The following KAT14 variants were observed in gnomAD, a reference collection of about 807,000 sequenced individuals.
KAT14 encodes the protein lysine acetyltransferase 14.
Under a neutral mutation model 78.4 loss-of-function variants are expected in KAT14, and 66 were observed. That is an observed-to-expected ratio of 0.84 (90% CI 0.69 to 1.03). The LOEUF is 1.03. KAT14 is among the 50% of genes least tolerant of loss of function. The probability of loss-of-function intolerance (pLI) is 0.00; values close to 1 mark genes in which losing one functional copy is unlikely to be tolerated. For synonymous variants in KAT14, 344 were observed against 359.4 expected, an observed-to-expected ratio of 0.96 and a Z score of 0.48; for missense variants, 870 against 972.5, an observed-to-expected ratio of 0.89 and a Z score of 1.40.
chr20:18,165,021 A>G (rs1450576148), intron 7 of KAT14, among the ~76,000 whole-genome samples: 3 of 152,210 alleles, frequency 2.0e-5, no homozygotes, highest in African/African-American at 7.2e-5. Flanking sequence ...GATAGAAGGC[A>G]GCATAGAAAT....
chr20:18,169,579 T>C (rs2038776942), intron 7 of KAT14, among the ~76,000 whole-genome samples: 1 of 152,260 alleles, frequency 6.6e-6, no homozygotes, highest in South Asian at 2.1e-4. Flanking sequence ...ACTGTTGCAC[T>C]AACCAGCTGT....
rs772989570 is a variant in KAT14, at chr20:18,137,950, G to A, written c.-555G>A. The A allele has an allele frequency of 4.0e-5, 60 of 1,485,198 alleles. No individual in the cohort carries two copies. The highest frequency in any genetic ancestry group is 2.0e-4 in the Middle Eastern group (1 of 5,024). 92.0% of individuals were successfully genotyped at this position (1,485,198 alleles called of 1,614,324 possible). A position where few individuals can be genotyped will look rare whatever the true frequency, so the allele number is the denominator to read the frequency against. On this transcript the variant is annotated 5_prime_UTR_variant, in exon 1 of 11. It adds an upstream start codon to the 5' untranslated region. Coordinates refer to ENST00000688188, the MANE Select transcript of KAT14 (RefSeq NM_001392073.1). ...GGAGAGAGAGGCCGCGGCCGCCAGC[G>A]TGGGGATGTCTAGGAGCTCGAAGGT... is the stretch of plus-strand genomic sequence containing the variant.
chr20:18,155,407 T>A (rs1446347660), intron 4 of KAT14, among the ~76,000 whole-genome samples: 1 of 152,156 alleles, frequency 6.6e-6, no homozygotes, highest in Non-Finnish European at 1.5e-5. Flanking sequence ...GCTGTGTGTG[T>A]GTTCCTGGAG....
chr20:18,142,588 G>GC lies in KAT14; in HGVS notation c.-69dup. ...GTCTGTCTGGGTGATCCTGGTAGAA[G>GC]CCCCATTAGGGTCACTGTCCAGTGC... On this transcript the variant is annotated 5_prime_UTR_variant, in exon 2 of 11. Transcript: ENST00000688188. 1 of 1,584,388 alleles carries GC rather than the reference G, an allele frequency of 6.3e-7. No homozygotes were observed. The highest frequency in any genetic ancestry group is 8.6e-7 in the Non-Finnish European group (1 of 1,163,226).
intron 1 of KAT14, chr20:18,138,304 G>T: frequency 8.4e-7 from 1 of 1,185,252 alleles, no homozygotes; most frequent in Non-Finnish European, 1.0e-6. Context: ...CGCCTTTGGA[G>T]CTCCGCGCTG....
rs41276414 is a variant in KAT14 at position 18,142,933 on chromosome 20, C to G, written c.259+14C>G. 2,979 of 1,610,046 alleles carry G rather than the reference C, an allele frequency of 1.9e-3. 10 individuals are homozygous for G. Among genetic ancestry groups the G allele is most frequent in the Middle Eastern group, 8.4e-3 (51 of 6,054 alleles). ...GGATACCAGCCAGTAAGGAGCTTCT[C>G]AATTCCTTTGATTTGTCAATTCCTG... On this transcript the variant is annotated intron_variant, in intron 2 of 10. Transcript: ENST00000688188.
chr20:18,167,051 A>G (rs1051505656), intron 7 of KAT14, among the ~76,000 whole-genome samples: 1 of 152,154 alleles, frequency 6.6e-6, no homozygotes, highest in East Asian at 1.9e-4. Context: ...CTCCAGCTGG[A>G]TCCCCTGTTA....
At chr20:18,181,517 C>T (rs1173780303) in intron 7 of KAT14, among the ~76,000 whole-genome samples, 193 bp from the exon 8 acceptor site, 51 of 151,976 alleles carry the variant, frequency 3.4e-4, no homozygotes, top group Non-Finnish European at 1.2e-4. Flanking sequence ...TACAGGCGCA[C>T]CTGCCACCAC....
At chr20:18,177,054 A>C (rs1198591944) in intron 7 of KAT14, among the ~76,000 whole-genome samples, 1 of 152,242 alleles carries the variant, frequency 6.6e-6, no homozygotes, top group Non-Finnish European at 1.5e-5. Flanking sequence ...TAAGTAGTTC[A>C]GTGCCTGGTG....
rs530383745 is a variant in KAT14 at position 18,170,772 on chromosome 20, C to T, written c.1668+7827C>T. Reference sequence around the variant, plus strand: ...CAGGAGGGCCTCGATCTCCTGACCTCGTGGTCCGCCCGCCTCGGCCTCCCA... The same window carrying T: ...CAGGAGGGCCTCGATCTCCTGACCTTGTGGTCCGCCCGCCTCGGCCTCCCA... On this transcript the variant is annotated intron_variant, in intron 7 of 10. Coordinates refer to ENST00000688188, the MANE Select transcript of KAT14 (RefSeq NM_001392073.1). 1.1e-4 allele frequency among the ~76,000 whole-genome samples: 16 copies of T among 152,278 alleles called. No homozygotes were observed. The South Asian group carries it at 2.1e-3, about 20-fold the overall frequency.
chr20:18,170,614 A>C (rs2038811310), intron 7 of KAT14, among the ~76,000 whole-genome samples: 1 of 152,186 alleles, frequency 6.6e-6, no homozygotes. Flanking sequence ...GGCTCACTGC[A>C]AGCTCCACCT....
Position 18,174,207 on chromosome 20 carries a change from C to G in KAT14, c.1669-7503C>G, listed in dbSNP as rs139504629. On this transcript the variant is annotated intron_variant, in intron 7 of 10. Transcript: ENST00000688188. The stretch of plus-strand genomic sequence containing the variant: ...ATGGATAGACCACATTTGGTTTATC[C>G]ATTCATCAGTTGATGGACTTTTGGG... 1.3e-3 allele frequency among the ~76,000 whole-genome samples: 191 copies of G among 152,298 alleles called. 2 individuals are homozygous for G. The highest frequency in any genetic ancestry group is 0.01 in the Middle Eastern group (3 of 294).
intron 3 of KAT14, among the ~76,000 whole-genome samples, chr20:18,149,730 T>C (rs1250312511): frequency 1.3e-5 from 2 of 152,106 alleles, no homozygotes; most frequent in Admixed American, 1.3e-4. Flanking sequence ...CCCAGCACTT[T>C]TGGAGGCTGA....
At chr20:18,171,928 G>C (rs2038858559) in intron 7 of KAT14, among the ~76,000 whole-genome samples, 1 of 152,144 alleles carries the variant, frequency 6.6e-6, no homozygotes, top group Non-Finnish European at 1.5e-5. Context: ...CCACCACCCT[G>C]ATCAGTTGGC....
At chr20:18,138,456 G>C (rs2037387273) in intron 1 of KAT14, 1 of 992,880 alleles carries the variant, frequency 1.0e-6, no homozygotes. Context: ...TGGGGAAGGA[G>C]TTTCTTGGGG....
intron 4 of KAT14, among the ~76,000 whole-genome samples, chr20:18,151,770 G>A (rs2038051750): frequency 1.3e-5 from 2 of 151,676 alleles, no homozygotes; most frequent in African/African-American, 2.4e-5. Context: ...TTGGGAGGCC[G>A]AGGTGGGTGG....
At position 18,142,267 on chromosome 20, in the gene KAT14, T is replaced by C; in HGVS notation, c.-394T>C. ...GGCAAATTCGGAAAAAAGAAAACAT[T>C]CGTCTTTTGGGAGAACAGATTATTT... On this transcript the variant is annotated 5_prime_UTR_variant, in exon 2 of 11. Transcript: ENST00000688188. 1 of 1,537,170 alleles carries C rather than the reference T, an allele frequency of 6.5e-7. No individual in the cohort carries two copies. The highest frequency in any genetic ancestry group is 8.7e-7 in the Non-Finnish European group (1 of 1,146,888).
Position 18,146,335 on chromosome 20 carries a change from C to T in KAT14, c.378+984C>T, listed in dbSNP as rs959718345. 5.3e-5 allele frequency among the ~76,000 whole-genome samples: 8 copies of T among 151,880 alleles called. No homozygotes were observed. The East Asian group carries it at 1.5e-3, about 29-fold the overall frequency. Reference sequence around the variant, plus strand: ...GGCCAGATCACCTGAGCTCAGGAGACAAGCCTGGGCAACGTGGTGAAACCC... The same window carrying T: ...GGCCAGATCACCTGAGCTCAGGAGATAAGCCTGGGCAACGTGGTGAAACCC... On this transcript the variant is annotated intron_variant, in intron 3 of 10. Transcript: ENST00000688188.
chr20:18,145,018 T>A (rs1285960826), intron 2 of KAT14: 4 of 1,161,788 alleles, frequency 3.4e-6, no homozygotes, highest in South Asian at 3.4e-5. Context: ...CTCCTAAAAG[T>A]TACTGGATCC....
Sources: gnomAD v4.1 joint callset for allele counts (sites outside exome capture counted in the v4.1 genomes callset) on GRCh38, gnomAD v4.1.1 for gene constraint, MANE v1.5 for transcripts, NCBI Gene and HGNC (gene_info 2026-07-23, HGNC 2026-07-21) for gene names.